DYM: variants seen among roughly 807,000 people sequenced by gnomAD.
DYM encodes the protein dyggve-Melchior-Clausen syndrome protein.
Under a neutral mutation model 93.1 loss-of-function variants are expected in DYM, and 78 were observed. That is an observed-to-expected ratio of 0.84 (90% CI 0.70 to 1.01). DYM has a LOEUF of 1.01. Ranked by LOEUF, DYM falls within the 50% of genes least tolerant of loss-of-function variation. DYM has a pLI of 0.00. For missense variants in DYM, 789 were observed against 845.0 expected, an observed-to-expected ratio of 0.93 and a Z score of 0.82; for synonymous variants, 321 against 319.7, an observed-to-expected ratio of 1.00 and a Z score of -0.04.
chr18:49,248,338 T>C (rs2094214375), intron 13 of DYM, among the ~76,000 whole-genome samples: 1 of 152,188 alleles, frequency 6.6e-6, no homozygotes, highest in Non-Finnish European at 1.5e-5. Flanking sequence ...TGTAGAGATG[T>C]TATCCAGATT....
intron 8 of DYM, among the ~76,000 whole-genome samples, chr18:49,295,089 C>G (rs963811128): frequency 2.7e-5 from 4 of 150,390 alleles, no homozygotes; most frequent in Admixed American, 2.0e-4. Flanking sequence ...AGGATACAAG[C>G]ATTAAAACGA....
At chr18:49,416,573 A>G (rs1227016188) in intron 2 of DYM, among the ~76,000 whole-genome samples, 1 of 152,210 alleles carries the variant, frequency 6.6e-6, no homozygotes, top group Non-Finnish European at 1.5e-5. Context: ...TTTTAAAGAT[A>G]TTATTCTCTA....
At position 49,131,260 on chromosome 18, in the gene DYM, T is replaced by G. The variant is rs558908162; in HGVS notation, c.1729-12334A>C. 2.0e-5 allele frequency among the ~76,000 whole-genome samples: 3 copies of G among 152,330 alleles called. No homozygotes were observed. The South Asian group carries it at 6.2e-4, about 32-fold the overall frequency. ...ATCTTCCTGCCTTGCAGATGCCACCTTCTCCCTGTGTCCTCACAGGGCCTT... is the reference window on the plus strand; with the variant it reads ...ATCTTCCTGCCTTGCAGATGCCACCGTCTCCCTGTGTCCTCACAGGGCCTT... On this transcript the variant is annotated intron_variant, in intron 15 of 17. Transcript: ENST00000675505.
intron 13 of DYM, among the ~76,000 whole-genome samples, chr18:49,229,806 T>C (rs2093643654): frequency 1.3e-5 from 2 of 152,134 alleles, no homozygotes; most frequent in Non-Finnish European, 2.9e-5. Flanking sequence ...TCCCACAAAA[T>C]TCTCTACACA....
At chr18:49,317,392 A>G (rs1192659261) in intron 8 of DYM, among the ~76,000 whole-genome samples, 2 of 152,138 alleles carry the variant, frequency 1.3e-5, no homozygotes, top group Non-Finnish European at 2.9e-5. Flanking sequence ...GATGAAAGAA[A>G]TTCCTGACAG....
chr18:49,163,896 T>C, intron 14 of DYM, 109 bp from the exon 15 acceptor site: 2 of 732,662 alleles, frequency 2.7e-6, no homozygotes, highest in Non-Finnish European at 4.7e-6. Context: ...AATATACTTG[T>C]AAATGATTCT....
At chr18:49,083,328 A>C (rs2078221854) in intron 17 of DYM, among the ~76,000 whole-genome samples, 2 of 152,214 alleles carry the variant, frequency 1.3e-5, no homozygotes, top group Non-Finnish European at 1.5e-5. Flanking sequence ...TTGGATATTA[A>C]ACTAATTTTG....
chr18:49,101,030 G>C (rs1206377745), intron 16 of DYM, among the ~76,000 whole-genome samples: 1 of 152,188 alleles, frequency 6.6e-6, no homozygotes, highest in African/African-American at 2.4e-5. Context: ...TTCATTCAAA[G>C]ATAAGAGCTT....
At chr18:49,146,177 A>T (rs2085113246) in intron 15 of DYM, among the ~76,000 whole-genome samples, 1 of 152,150 alleles carries the variant, frequency 6.6e-6, no homozygotes, top group Non-Finnish European at 1.5e-5. Flanking sequence ...AAACAACCAC[A>T]CACACAAAAA....
At chr18:49,314,372 A>T (rs968918074) in intron 8 of DYM, among the ~76,000 whole-genome samples, 1 of 152,198 alleles carries the variant, frequency 6.6e-6, no homozygotes, top group Non-Finnish European at 1.5e-5. Flanking sequence ...GCCACTGTTG[A>T]TGGTCTTCTG....
intron 17 of DYM, among the ~76,000 whole-genome samples, chr18:49,046,112 A>G (rs947907017): frequency 6.8e-6 from 1 of 147,004 alleles, no homozygotes; most frequent in African/African-American, 2.5e-5. Context: ...CCACACCCAC[A>G]TCCCCAAATA....
chr18:49,173,026 T>C, intron 14 of DYM, among the ~76,000 whole-genome samples: 1 of 152,014 alleles, frequency 6.6e-6, no homozygotes, highest in East Asian at 1.9e-4. Flanking sequence ...TTTTTTTTAA[T>C]TTGTGCATAT....
chr18:49,172,149 C>T (rs1254184455), intron 14 of DYM, among the ~76,000 whole-genome samples: 1 of 152,096 alleles, frequency 6.6e-6, no homozygotes, highest in African/African-American at 2.4e-5. Flanking sequence ...TTGTGTCTGC[C>T]ATCTATCACT....
At chr18:49,414,429 T>C (rs796263682) in intron 2 of DYM, among the ~76,000 whole-genome samples, 2 of 152,170 alleles carry the variant, frequency 1.3e-5, no homozygotes, top group Non-Finnish European at 2.9e-5. Context: ...TATTATAGGA[T>C]AGTTAGTAAA....
chr18:49,169,629 G>A (rs1262031100), intron 14 of DYM, among the ~76,000 whole-genome samples: 1 of 152,176 alleles, frequency 6.6e-6, no homozygotes, highest in Admixed American at 6.5e-5. Context: ...AGTAAGGATG[G>A]CAGATTACTC....
chr18:49,407,368 AC>A (rs1192396346), intron 2 of DYM, among the ~76,000 whole-genome samples: 1 of 152,338 alleles, frequency 6.6e-6, no homozygotes, highest in African/African-American at 2.4e-5. Context: ...ATAAAGGAAT[AC>A]CGGAGCCTGA....
At chr18:49,133,495 G>A (rs1177510085) in intron 15 of DYM, among the ~76,000 whole-genome samples, 3 of 152,192 alleles carry the variant, frequency 2.0e-5, no homozygotes, top group African/African-American at 7.2e-5. Context: ...GGTGTCAGCT[G>A]AGCAGGGTTC....
At chr18:49,260,410 AACTGAGAAGTTCTCC>A (rs2094471397) in intron 11 of DYM, among the ~76,000 whole-genome samples, 1 of 152,212 alleles carries the variant, frequency 6.6e-6, no homozygotes. Flanking sequence ...TGAAGGACCA[AACTGAGAAGTTCTCC>A]ACAGAAACTA....
intron 13 of DYM, among the ~76,000 whole-genome samples, chr18:49,235,810 A>T (rs1377638451): frequency 6.6e-6 from 1 of 152,108 alleles, no homozygotes; most frequent in African/African-American, 2.4e-5. Context: ...AAATGCCTAA[A>T]ATCTTTCGAT....
Sources: allele counts gnomAD v4.1 joint callset (sites outside exome capture counted in the v4.1 genomes callset), GRCh38; gene constraint gnomAD v4.1.1; transcripts MANE v1.5; gene names NCBI Gene and HGNC (gene_info 2026-07-23, HGNC 2026-07-21).